Variants in NFIB observed in about 807,000 individuals in gnomAD.
NFIB encodes the protein nuclear factor 1 B-type.
NFIB carries 11 observed loss-of-function variants against 61.5 expected under a neutral mutation model. The observed-to-expected ratio is 0.18, with a 90% confidence interval of 0.11 to 0.30. NFIB has a LOEUF of 0.30. NFIB is among the 10% of genes least tolerant of loss of function. NFIB has a pLI of 1.00. For missense variants in NFIB, 471 were observed against 608.9 expected, an observed-to-expected ratio of 0.77 and a Z score of 2.38; for synonymous variants, 260 against 216.5, an observed-to-expected ratio of 1.20 and a Z score of -1.76.
intron 2 of NFIB, among the ~76,000 whole-genome samples, chr9:14,214,556 G>A (rs1438628661): frequency 6.6e-6 from 1 of 152,190 alleles, no homozygotes; most frequent in East Asian, 1.9e-4. Flanking sequence ...TTTCCTCTAA[G>A]AAACTGCCAT....
intron 1 of NFIB, among the ~76,000 whole-genome samples, chr9:14,388,363 A>G (rs1358188318): frequency 1.2e-5 from 1 of 81,604 alleles, no homozygotes; most frequent in African/African-American, 4.5e-5. Context: ...AAAAAGAGAA[A>G]GAAAGAAGGA....
chr9:14,286,090 C>A (rs1453436765), intron 2 of NFIB, among the ~76,000 whole-genome samples: 1 of 152,240 alleles, frequency 6.6e-6, no homozygotes, highest in Admixed American at 6.5e-5. Flanking sequence ...GACATGTTCA[C>A]TGCAAAACCT....
chr9:14,099,383 T>C (rs1312159006), intron 10 of NFIB, among the ~76,000 whole-genome samples: 1 of 152,258 alleles, frequency 6.6e-6, no homozygotes, highest in East Asian at 1.9e-4. Context: ...CTGAAGATTT[T>C]AGATGTCTAT....
chr9:14,427,943 T>TTTTTG, the NFIB span, among the ~76,000 whole-genome samples: 5 of 76,402 alleles, frequency 6.5e-5, no homozygotes, highest in African/African-American at 3.0e-4. Context: ...AGTTGTTTTT[T>TTTTTG]TTTTTTTTTT....
chr9:14,469,652 T>A, the NFIB span, among the ~76,000 whole-genome samples: 1 of 152,160 alleles, frequency 6.6e-6, no homozygotes, highest in Non-Finnish European at 1.5e-5. Flanking sequence ...TAGGTTTCCA[T>A]TTTCCTCCCT....
chr9:14,471,642 G>T, the NFIB span, among the ~76,000 whole-genome samples: 1 of 152,194 alleles, frequency 6.6e-6, no homozygotes, highest in South Asian at 2.1e-4. Context: ...TACCAGTGGG[G>T]AGTAGAATTT....
At chr9:14,311,665 A>G (rs747865080) in intron 1 of NFIB, among the ~76,000 whole-genome samples, 1 of 152,216 alleles carries the variant, frequency 6.6e-6, no homozygotes, top group Non-Finnish European at 1.5e-5. Flanking sequence ...TACACAAATT[A>G]AGATAAAACT....
At chr9:14,419,982 G>A in the NFIB span, among the ~76,000 whole-genome samples, 1 of 152,050 alleles carries the variant, frequency 6.6e-6, no homozygotes, top group Non-Finnish European at 1.5e-5. Context: ...ATTTCCCAAG[G>A]CTACTTCATT....
chr9:14,389,406 T>C (rs1382187024), intron 1 of NFIB, among the ~76,000 whole-genome samples: 1 of 152,166 alleles, frequency 6.6e-6, no homozygotes, highest in Non-Finnish European at 1.5e-5. Context: ...TGCATTGCTT[T>C]TGAACATATT....
At chr9:14,346,344 C>T (rs72700531) in intron 1 of NFIB, among the ~76,000 whole-genome samples, 1,846 of 147,030 alleles carry the variant, frequency 0.013, 23 homozygotes, top group Non-Finnish European at 0.02. Flanking sequence ...ACCGCTTGCC[C>T]CTGGGAACGT....
Position 14,120,468 on chromosome 9 carries a change from T to C in NFIB, c.1217A>G (p.Tyr406Cys), listed in dbSNP as rs750060639. 5 of 1,614,016 alleles carry C rather than the reference T, an allele frequency of 3.1e-6. No homozygotes were observed. In the Admixed American group the frequency reaches 6.7e-5, roughly 22 times the overall value. ...QDTLKNYVPSYDPSSPQTSQP... is the reference protein window; with the variant it reads ...QDTLKNYVPSCDPSSPQTSQP... ...GCTGGTTTGTGGACTGGATGGGTCA[T>C]AAGAAGGTACATAGTTCTTCAGAGT... The change falls in exon 8 of 11, where the codon TAT (tyrosine) becomes TGT (cysteine). Residue 406 changes from tyrosine (Y) to cysteine (C), a missense_variant. By Grantham distance (194) the Tyr-to-Cys change is radical. Transcript: ENST00000380953. This position sits in a 1 kb window ranked among gnomAD's most constrained non-coding sequence, Gnocchi z 4.4.
At chr9:14,188,403 G>C (rs945862293) in intron 2 of NFIB, among the ~76,000 whole-genome samples, 3 of 152,150 alleles carry the variant, frequency 2.0e-5, no homozygotes. Flanking sequence ...AGAGGCAAGG[G>C]TGCTAATGTA....
the NFIB span, among the ~76,000 whole-genome samples, chr9:14,455,381 A>C: frequency 6.6e-6 from 1 of 152,344 alleles, no homozygotes; most frequent in East Asian, 1.9e-4. Context: ...GCAGTGGTTC[A>C]TGGAAGGGAG....
At chr9:14,215,893 T>C (rs2050801093) in intron 2 of NFIB, among the ~76,000 whole-genome samples, 1 of 152,240 alleles carries the variant, frequency 6.6e-6, no homozygotes, top group South Asian at 2.1e-4. Context: ...AAAAGGCAAA[T>C]AGCAATCTCT....
chr9:14,325,224 G>C (rs2060739297), intron 1 of NFIB, among the ~76,000 whole-genome samples: 1 of 152,056 alleles, frequency 6.6e-6, no homozygotes, highest in Non-Finnish European at 1.5e-5. Context: ...TCCAACACTA[G>C]TTAAGCATTT....
chr9:14,453,017 G>T, the NFIB span, among the ~76,000 whole-genome samples: 1 of 152,190 alleles, frequency 6.6e-6, no homozygotes, highest in South Asian at 2.1e-4. Flanking sequence ...TTGTAACGTG[G>T]TGCCTCTTAA....
intron 2 of NFIB, among the ~76,000 whole-genome samples, chr9:14,295,159 G>C (rs1230256558): frequency 1.3e-5 from 2 of 152,198 alleles, no homozygotes; most frequent in Non-Finnish European, 2.9e-5. Context: ...CGATAGAAAA[G>C]GAGGAATGGG....
At chr9:14,368,930 C>T (rs567699185) in intron 1 of NFIB, among the ~76,000 whole-genome samples, 1 of 152,314 alleles carries the variant, frequency 6.6e-6, no homozygotes, top group East Asian at 1.9e-4. Context: ...GCCTACCTCA[C>T]AGGTTTGGTG....
intron 2 of NFIB, among the ~76,000 whole-genome samples, chr9:14,290,904 T>C (rs2059051178): frequency 6.6e-6 from 1 of 152,096 alleles, no homozygotes; most frequent in South Asian, 2.1e-4. Context: ...TATGCTCTCA[T>C]AACATTTCTA....
Sources: gnomAD v4.1 joint callset for allele counts (sites outside exome capture counted in the v4.1 genomes callset) on GRCh38, gnomAD v4.1.1 for gene constraint, Gnocchi (gnomAD v3.1) non-coding constraint, MANE v1.5 for transcripts, NCBI Gene and HGNC (gene_info 2026-07-23, HGNC 2026-07-21) for gene names.